GRIK1: variants seen among roughly 807,000 people sequenced by gnomAD.
GRIK1 encodes the protein glutamate receptor ionotropic, kainate 1.
Under a neutral mutation model 105.7 loss-of-function variants are expected in GRIK1, and 69 were observed. The observed-to-expected ratio is 0.65, with a 90% CI of 0.54 to 0.80. The LOEUF (loss-of-function observed/expected upper bound fraction) is 0.80, where lower values mean the gene tolerates loss of function less well. Among genes scored for constraint, GRIK1 ranks in the 30% least tolerant of loss-of-function variants. The probability of loss-of-function intolerance (pLI) is 0.00; values close to 1 mark genes in which losing one functional copy is unlikely to be tolerated. For synonymous variants in GRIK1, 438 were observed against 431.3 expected (o/e 1.02, Z -0.19); for missense variants, 1,109 against 1,167.3 (o/e 0.95, Z 0.73).
intron 1 of GRIK1, among the ~76,000 whole-genome samples, chr21:29,800,137 C>A (rs453238): frequency 0.16 from 23,874 of 152,042 alleles, 1,838 homozygotes; most frequent in Non-Finnish European, 0.16. Context: ...CAGCAAATCC[C>A]TTATAAGTTA....
chr21:29,852,365 G>A (rs550315513), intron 1 of GRIK1, among the ~76,000 whole-genome samples: 1 of 152,260 alleles, frequency 6.6e-6, no homozygotes, highest in South Asian at 2.1e-4. Flanking sequence ...CTACCAAGAA[G>A]GCCCCCTACC....
At chr21:29,905,045 A>G (rs1440464345) in intron 1 of GRIK1, among the ~76,000 whole-genome samples, 3 of 152,210 alleles carry the variant, frequency 2.0e-5, no homozygotes, top group Non-Finnish European at 2.9e-5. Context: ...GATCCTAGGC[A>G]GTGTGAAACA....
In GRIK1 at chr21:29,917,092, C is replaced by G. The variant is rs376879320; in HGVS notation, c.118+22291G>C. ...AAACTCATCAAGACTTAAGACATTT[C>G]GTTTTCAGTATATCACTTGGCTTGC... On this transcript the variant is annotated intron_variant, in intron 1 of 17. Coordinates refer to ENST00000327783, the MANE Select transcript of GRIK1 (RefSeq NM_001330994.2). 2.1e-3 allele frequency among the ~76,000 whole-genome samples: 317 copies of G among 152,066 alleles called. 2 individuals are homozygous for G. Among genetic ancestry groups the G allele is most frequent in the African/African-American group, 7.2e-3 (299 of 41,532 alleles).
At chr21:29,716,838 T>C (rs1285722250) in intron 1 of GRIK1, among the ~76,000 whole-genome samples, 1 of 152,226 alleles carries the variant, frequency 6.6e-6, no homozygotes, top group African/African-American at 2.4e-5. Flanking sequence ...AGCTGAATGT[T>C]AATCACCAAG....
intron 10 of GRIK1, among the ~76,000 whole-genome samples, chr21:29,590,136 CTTTATA>C (rs1047638478): frequency 6.6e-6 from 1 of 152,124 alleles, no homozygotes; most frequent in Non-Finnish European, 1.5e-5. Context: ...CAGACATATT[CTTTATA>C]TTTAGGTTTA....
chr21:29,555,783 A>G lies in GRIK1; in HGVS notation c.2357-481T>C, dbSNP rs532692745. Among the ~76,000 whole-genome samples, 4 of 152,306 alleles carry G rather than the reference A, an allele frequency of 2.6e-5. No homozygotes were observed. In the East Asian group the frequency reaches 7.7e-4, roughly 29 times the overall value. ...GTCTATTTGTGGCAATAAGATATCA[A>G]ATTATAAACAGAACTGAAGGCCATG... On this transcript the variant is annotated intron_variant, in intron 15 of 17. Coordinates refer to ENST00000327783, the MANE Select transcript of GRIK1 (RefSeq NM_001330994.2).
intron 5 of GRIK1, among the ~76,000 whole-genome samples, chr21:29,652,111 A>C: frequency 6.6e-6 from 1 of 152,186 alleles, no homozygotes; most frequent in East Asian, 1.9e-4. Context: ...CCCAGTTCAT[A>C]GCCTTTGGGG....
chr21:29,573,853 G>GAAA (rs35503363), intron 14 of GRIK1, among the ~76,000 whole-genome samples: 2,400 of 114,068 alleles, frequency 0.021, 36 homozygotes, highest in Non-Finnish European at 0.034. Flanking sequence ...ACTCCGTCTG[G>GAAA]AAAAAAAAAA....
At chr21:29,602,659 T>TA (rs1477093247) in intron 7 of GRIK1, among the ~76,000 whole-genome samples, 11 of 152,122 alleles carry the variant, frequency 7.2e-5, no homozygotes, top group Non-Finnish European at 1.2e-4. Flanking sequence ...ATGTGCTGGG[T>TA]AAAAACATGA....
chr21:29,921,225 G>C (rs1303466888), intron 1 of GRIK1, among the ~76,000 whole-genome samples: 1 of 151,960 alleles, frequency 6.6e-6, no homozygotes, highest in Non-Finnish European at 1.5e-5. Flanking sequence ...AAAATGACTC[G>C]CAGTTGCATA....
chr21:29,613,378 C>T (rs2061771719), intron 7 of GRIK1, among the ~76,000 whole-genome samples: 1 of 152,164 alleles, frequency 6.6e-6, no homozygotes, highest in South Asian at 2.1e-4. Context: ...CATTGGAACA[C>T]TGTTTTTAAA....
chr21:29,747,107 A>G (rs544254931), intron 1 of GRIK1, among the ~76,000 whole-genome samples: 107 of 152,358 alleles, frequency 7.0e-4, no homozygotes, highest in African/African-American at 2.5e-3. Context: ...TGAGCCAAAC[A>G]AATAATAAAT....
At chr21:29,606,451 A>G (rs2061618585) in intron 7 of GRIK1, among the ~76,000 whole-genome samples, 1 of 151,880 alleles carries the variant, frequency 6.6e-6, no homozygotes, top group Admixed American at 6.6e-5. Flanking sequence ...TGGCCTCTAG[A>G]ACCACCGTGC....
At chr21:29,828,005 CTCTCTCTGTG>C (rs199947745) in intron 1 of GRIK1, among the ~76,000 whole-genome samples, 4,735 of 74,998 alleles carry the variant, frequency 0.063, 98 homozygotes, top group East Asian at 0.21. Flanking sequence ...CTCTCTCTGT[CTCTCTCTGTG>C]TGTGTGTGTG....
At chr21:29,828,013 G>T (rs201864678) in intron 1 of GRIK1, among the ~76,000 whole-genome samples, 1 of 58,300 alleles carries the variant, frequency 1.7e-5, no homozygotes, top group Non-Finnish European at 4.6e-5. Flanking sequence ...GTCTCTCTCT[G>T]TGTGTGTGTG....
At position 29,772,221 on chromosome 21, in the gene GRIK1, A is replaced by G. The variant is rs188138120; in HGVS notation, c.119-78158T>C. ...TGAAATACGTCTTGGTCCATAGGTA[A>G]GAAAATCAACTGAATACAATTTTTG... On this transcript the variant is annotated intron_variant, in intron 1 of 17. Coordinates refer to ENST00000327783, the MANE Select transcript of GRIK1 (RefSeq NM_001330994.2). 9.2e-5 allele frequency among the ~76,000 whole-genome samples: 14 copies of G among 152,318 alleles called. 1 individual carries two copies. The East Asian group carries it at 2.3e-3, about 25-fold the overall frequency.
intron 1 of GRIK1, among the ~76,000 whole-genome samples, chr21:29,781,361 G>A (rs2066093451): frequency 6.6e-6 from 1 of 151,646 alleles, no homozygotes; most frequent in African/African-American, 2.4e-5. Flanking sequence ...TTATTTTCCA[G>A]GAACAAGGAG....
chr21:29,579,418 T>C (rs363485), intron 13 of GRIK1, among the ~76,000 whole-genome samples: 11,747 of 152,192 alleles, frequency 0.077, 892 homozygotes, highest in African/African-American at 0.2. Context: ...AGAAAATATT[T>C]GGGATGAGAG....
intron 1 of GRIK1, among the ~76,000 whole-genome samples, chr21:29,897,440 A>G (rs2070211673): frequency 6.6e-6 from 1 of 152,244 alleles, no homozygotes; most frequent in Admixed American, 6.5e-5. Flanking sequence ...AGAAATTGGT[A>G]GCGATCTTTC....
Sources: gnomAD v4.1 joint callset for allele counts (sites outside exome capture counted in the v4.1 genomes callset) on GRCh38, gnomAD v4.1.1 for gene constraint, MANE v1.5 for transcripts, NCBI Gene and HGNC (gene_info 2026-07-23, HGNC 2026-07-21) for gene names.